The following DDAH1 variants were observed in gnomAD, a reference collection of about 807,000 sequenced individuals.
DDAH1 encodes N(G),N(G)-dimethylarginine dimethylaminohydrolase 1.
Under a neutral mutation model 28.8 loss-of-function variants are expected in DDAH1, and 19 were observed. That is an observed-to-expected ratio of 0.66 (90% confidence interval 0.46 to 0.97). The LOEUF (loss-of-function observed/expected upper bound fraction) is 0.97, where lower values mean the gene tolerates loss of function less well. Among genes scored for constraint, DDAH1 ranks in the 50% least tolerant of loss-of-function variants. The probability of loss-of-function intolerance (pLI) is 0.00; values close to 1 mark genes in which losing one functional copy is unlikely to be tolerated. For synonymous variants in DDAH1, 153 were observed against 154.4 expected, an observed-to-expected ratio of 0.99 and a Z score of 0.07; for missense variants, 326 against 375.9, an observed-to-expected ratio of 0.87 and a Z score of 1.10.
At chr1:85,556,079 G>A (rs933431196) in intron 1 of DDAH1, among the ~76,000 whole-genome samples, 4 of 110,184 alleles carry the variant, frequency 3.6e-5, no homozygotes, top group East Asian at 2.4e-4. Flanking sequence ...CACCGCCGCC[G>A]CCTCCTCCTC....
chr1:85,476,656 G>C (rs770995129), intron 2 of DDAH1, among the ~76,000 whole-genome samples: 38 of 152,088 alleles, frequency 2.5e-4, no homozygotes, highest in Non-Finnish European at 4.7e-4. Flanking sequence ...AGCTAGCATG[G>C]CATGATTTCT....
chr1:85,452,475 A>G lies in DDAH1; in HGVS notation c.303+12268T>C, dbSNP rs576406849. 5.6e-4 allele frequency among the ~76,000 whole-genome samples: 85 copies of G among 152,324 alleles called. 1 individual carries two copies. Among genetic ancestry groups the G allele is most frequent in the Middle Eastern group, 3.4e-3 (1 of 294 alleles). On this transcript the variant is annotated intron_variant, in intron 1 of 5. Coordinates refer to ENST00000284031, the MANE Select transcript of DDAH1 (RefSeq NM_012137.4). Reference sequence around the variant, plus strand: ...AGGTTACATGAAACATTACCTAGCTATATTATGGGTTGCGAATACACTCTG... The same window carrying G: ...AGGTTACATGAAACATTACCTAGCTGTATTATGGGTTGCGAATACACTCTG...
chr1:85,436,129 T>C (rs1001156573), intron 1 of DDAH1, among the ~76,000 whole-genome samples: 1 of 152,038 alleles, frequency 6.6e-6, no homozygotes, highest in Non-Finnish European at 1.5e-5. Flanking sequence ...TTTTATTGCA[T>C]TGGCCATAAA....
intron 1 of DDAH1, among the ~76,000 whole-genome samples, chr1:85,570,394 AC>A (rs1366394491): frequency 1.3e-5 from 2 of 150,424 alleles, no homozygotes; most frequent in South Asian, 4.4e-4. Flanking sequence ...ACACACACAC[AC>A]ATCTCAGTGC....
chr1:85,491,416 CA>C (rs1397625103), intron 2 of DDAH1, among the ~76,000 whole-genome samples: 3 of 152,264 alleles, frequency 2.0e-5, no homozygotes, highest in East Asian at 3.9e-4. Context: ...CAGACAAAGA[CA>C]AAGGAATCCT....
exon 1 of DDAH1, chr1:85,578,035 C>T: frequency 1.0e-6 from 1 of 985,418 alleles, no homozygotes. Flanking sequence ...GACTGATCTG[C>T]GGCTCCCAGC....
At chr1:85,427,045 C>T (rs377102266) in intron 1 of DDAH1, among the ~76,000 whole-genome samples, 1 of 151,208 alleles carries the variant, frequency 6.6e-6, no homozygotes, top group African/African-American at 2.4e-5. Flanking sequence ...TTATTTTATA[C>T]GAAGGCAAAT....
At chr1:85,549,264 A>G (rs1264929620) in intron 1 of DDAH1, among the ~76,000 whole-genome samples, 12 of 152,204 alleles carry the variant, frequency 7.9e-5, no homozygotes, top group Non-Finnish European at 1.5e-4. Context: ...TCTAAATGTT[A>G]TGTCCTTCTA....
intron 1 of DDAH1, among the ~76,000 whole-genome samples, chr1:85,432,185 A>C (rs1653714937): frequency 6.6e-6 from 1 of 152,194 alleles, no homozygotes; most frequent in African/African-American, 2.4e-5. Flanking sequence ...GTCCTAGAGC[A>C]TGAAGAAATG....
At chr1:85,335,473 G>T (rs1648046559) in intron 4 of DDAH1, among the ~76,000 whole-genome samples, 1 of 151,874 alleles carries the variant, frequency 6.6e-6, no homozygotes, top group African/African-American at 2.4e-5. Context: ...TAAAGGGACA[G>T]AAAAAATATT....
chr1:85,516,198 G>A (rs1480143565), intron 1 of DDAH1, among the ~76,000 whole-genome samples: 1 of 151,962 alleles, frequency 6.6e-6, no homozygotes, highest in African/African-American at 2.4e-5. Context: ...ATTTGCTAGG[G>A]AGACTACAGT....
At chr1:85,569,849 G>C (rs536086750) in intron 1 of DDAH1, among the ~76,000 whole-genome samples, 1 of 152,164 alleles carries the variant, frequency 6.6e-6, no homozygotes, top group Admixed American at 6.5e-5. Context: ...CCTAATTCAC[G>C]GTTGCTCTTC....
intron 1 of DDAH1, among the ~76,000 whole-genome samples, chr1:85,505,304 G>A (rs1656977277): frequency 6.6e-6 from 1 of 151,934 alleles, no homozygotes; most frequent in Non-Finnish European, 1.5e-5. Flanking sequence ...CTTATTATAT[G>A]TCTTACACCA....
intron 5 of DDAH1, among the ~76,000 whole-genome samples, chr1:85,323,518 C>G (rs1482260859): frequency 1.3e-5 from 2 of 152,220 alleles, no homozygotes; most frequent in African/African-American, 4.8e-5. Context: ...AACACAAACA[C>G]AGAGACTCCT....
intron 1 of DDAH1, among the ~76,000 whole-genome samples, chr1:85,393,489 C>T (rs1449715987): frequency 6.6e-6 from 1 of 152,140 alleles, no homozygotes; most frequent in Non-Finnish European, 1.5e-5. Context: ...AAATTGGTCT[C>T]TAAAATACAA....
At chr1:85,429,462 G>A (rs932384153) in intron 1 of DDAH1, among the ~76,000 whole-genome samples, 6 of 152,150 alleles carry the variant, frequency 3.9e-5, no homozygotes, top group Non-Finnish European at 7.3e-5. Context: ...TGTGAATAGC[G>A]CTGCAATAAA....
chr1:85,523,252 G>A (rs572079288), intron 1 of DDAH1, among the ~76,000 whole-genome samples: 1 of 152,120 alleles, frequency 6.6e-6, no homozygotes, highest in African/African-American at 2.4e-5. Flanking sequence ...GCAAGGGGAC[G>A]CCTACTGATG....
chr1:85,409,251 C>G (rs1244259902), intron 1 of DDAH1, among the ~76,000 whole-genome samples: 1 of 152,140 alleles, frequency 6.6e-6, no homozygotes, highest in Admixed American at 6.5e-5. Flanking sequence ...CACCCCTGGT[C>G]CAGACTTTCC....
intron 1 of DDAH1, among the ~76,000 whole-genome samples, chr1:85,364,522 C>T (rs1290573592): frequency 6.6e-6 from 1 of 151,752 alleles, no homozygotes; most frequent in Non-Finnish European, 1.5e-5. Context: ...TGGTTCATTC[C>T]TAAATTTGTC....
Sources: gnomAD v4.1 joint callset for allele counts (sites outside exome capture counted in the v4.1 genomes callset) on GRCh38, gnomAD v4.1.1 for gene constraint, MANE v1.5 for transcripts, NCBI Gene and HGNC (gene_info 2026-07-23, HGNC 2026-07-21) for gene names.